The following ITPR2 variants were observed in gnomAD, a reference collection of about 807,000 sequenced individuals.
ITPR2 encodes inositol 1,4,5-trisphosphate receptor type 2, also known as inositol 1,4,5-trisphosphate-gated calcium channel ITPR2.
ITPR2 carries 207 observed loss-of-function variants against 317.1 expected under a neutral mutation model. The ratio of observed to expected loss-of-function variants is 0.65; its 90% CI spans 0.58 to 0.73. The LOEUF is 0.73. Among genes scored for constraint, ITPR2 ranks in the 30% least tolerant of loss-of-function variants. The probability of loss-of-function intolerance (pLI) is 0.00; values close to 1 mark genes in which losing one functional copy is unlikely to be tolerated. For synonymous variants in ITPR2, 1,156 were observed against 1,149.1 expected (o/e 1.01, Z -0.12); for missense variants, 2,613 against 3,284.0 (o/e 0.80, Z 4.99).
chr12:26,696,295 G>A (rs114831774), intron 9 of ITPR2, among the ~76,000 whole-genome samples: 35 of 152,256 alleles, frequency 2.3e-4, no homozygotes, highest in African/African-American at 7.7e-4. Flanking sequence ...GTCTCAAAGC[G>A]ATTCTTAGTT....
chr12:26,385,939 C>T (rs759521976), intron 55 of ITPR2, among the ~76,000 whole-genome samples: 12 of 152,210 alleles, frequency 7.9e-5, no homozygotes, highest in East Asian at 1.9e-4. Context: ...CTTCCTCTTA[C>T]TAAGCTCTAT....
chr12:26,818,531 G>A (rs980847957), intron 1 of ITPR2, among the ~76,000 whole-genome samples: 1 of 152,158 alleles, frequency 6.6e-6, no homozygotes, highest in Admixed American at 6.5e-5. Flanking sequence ...AGGAAGAAAG[G>A]TAAATAAAAG....
intron 37 of ITPR2, among the ~76,000 whole-genome samples, chr12:26,512,747 ACTT>A (rs1943385655): frequency 6.6e-6 from 1 of 151,818 alleles, no homozygotes; most frequent in Non-Finnish European, 1.5e-5. Context: ...GGCAAAATAA[ACTT>A]CTTACATTGA....
At chr12:26,700,853 A>G (rs1443166061) in intron 9 of ITPR2, among the ~76,000 whole-genome samples, 3 of 152,264 alleles carry the variant, frequency 2.0e-5, no homozygotes, top group South Asian at 2.1e-4. Context: ...GCAGAGACAG[A>G]ATCAGTAGAA....
chr12:26,802,299 T>TA (rs1038467654), intron 1 of ITPR2, among the ~76,000 whole-genome samples: 11 of 148,026 alleles, frequency 7.4e-5, no homozygotes, highest in Admixed American at 1.3e-4. Context: ...ACCCTGTCTC[T>TA]AAAAAAAAAA....
At chr12:26,528,320 A>G (rs1943860073) in intron 37 of ITPR2, among the ~76,000 whole-genome samples, 1 of 152,192 alleles carries the variant, frequency 6.6e-6, no homozygotes, top group Admixed American at 6.5e-5. Context: ...ACCACAAAGG[A>G]TGTTGGATTT....
At chr12:26,352,766 A>G (rs929631026) in intron 55 of ITPR2, among the ~76,000 whole-genome samples, 4 of 152,340 alleles carry the variant, frequency 2.6e-5, no homozygotes, top group South Asian at 2.1e-4. Flanking sequence ...AGACTGGATA[A>G]TTCAGCCCCT....
rs1343735855 is a variant in ITPR2 at position 26,628,084 on chromosome 12, C to A, written c.3013G>T (p.Asp1005Tyr). The change falls in exon 23 of 57, where the codon GAC becomes TAC. Residue 1005 changes from aspartate to tyrosine, a missense_variant. Physicochemically the swap from Asp to Tyr is radical, Grantham distance 160 (BLOSUM62 -3). Around this residue, in one of 9 missense-constraint regions of ITPR2, gnomAD observed 817 missense variants for 897.6 expected, o/e 0.91. Coordinates refer to ENST00000381340, the MANE Select transcript of ITPR2 (RefSeq NM_002223.4). ...IYKKEFGEDN[D>Y]NAETSASGSP... ...CCACTGGCAGATGTCTCCGCATTGT[C>A]ATTGTCCTCTCCAAACTCCTTCTTA... The A allele has an allele frequency of 6.2e-7, 1 of 1,613,450 alleles. No homozygotes were observed. Among genetic ancestry groups the A allele is most frequent in the Non-Finnish European group, 8.5e-7 (1 of 1,179,470 alleles).
In ITPR2 at chr12:26,658,657, G is replaced by A. The variant is rs78439126; in HGVS notation, c.1886+456C>T. 3.0e-3 allele frequency among the ~76,000 whole-genome samples: 450 copies of A among 152,318 alleles called. 2 individuals are homozygous for A. Among genetic ancestry groups the A allele is most frequent in the African/African-American group, 0.01 (431 of 41,576 alleles). On this transcript the variant is annotated intron_variant, in intron 16 of 56. Coordinates refer to ENST00000381340, the MANE Select transcript of ITPR2 (RefSeq NM_002223.4). ...CATTTCTTCAAGATAAGGCAGCATG[G>A]TACAACAGAAAAAGAGCTTGATGTG...
chr12:26,506,520 C>CAAAA, intron 37 of ITPR2, among the ~76,000 whole-genome samples: 1 of 87,532 alleles, frequency 1.1e-5, no homozygotes, highest in Non-Finnish European at 2.2e-5. Flanking sequence ...AATCCTGTCT[C>CAAAA]AAAAAAAAAA....
chr12:26,510,003 T>TGG (rs1275698246), intron 37 of ITPR2, among the ~76,000 whole-genome samples: 3 of 22,386 alleles, frequency 1.3e-4, no homozygotes, highest in East Asian at 1.8e-3. Context: ...TGTGTGTGTG[T>TGG]GGTGGGGGGT....
chr12:26,370,835 C>G (rs1448350278), intron 55 of ITPR2, among the ~76,000 whole-genome samples: 1 of 152,134 alleles, frequency 6.6e-6, no homozygotes, highest in African/African-American at 2.4e-5. Flanking sequence ...CCACCACCAC[C>G]GGCTAATTTT....
chr12:26,537,260 C>T (rs1168639815), intron 37 of ITPR2, among the ~76,000 whole-genome samples: 1 of 152,154 alleles, frequency 6.6e-6, no homozygotes. Context: ...AGAGAGTGGG[C>T]AGTGGGCCTA....
At chr12:26,684,516 A>G (rs1327060302) in intron 11 of ITPR2, among the ~76,000 whole-genome samples, 2 of 152,212 alleles carry the variant, frequency 1.3e-5, no homozygotes, top group Non-Finnish European at 2.9e-5. Context: ...AGAACTTGAC[A>G]CAGGACTTAA....
chr12:26,455,469 G>A (rs556431162), intron 45 of ITPR2, among the ~76,000 whole-genome samples: 1 of 152,186 alleles, frequency 6.6e-6, no homozygotes, highest in South Asian at 2.1e-4. Context: ...AGGAAATGAG[G>A]TGGCAAGGTG....
At chr12:26,401,215 C>G (rs867709911) in intron 52 of ITPR2, among the ~76,000 whole-genome samples, 4 of 151,440 alleles carry the variant, frequency 2.6e-5, no homozygotes, top group Non-Finnish European at 2.9e-5. Context: ...GGTAACAGAG[C>G]AAGACTCTGT....
intron 45 of ITPR2, among the ~76,000 whole-genome samples, chr12:26,464,261 A>C (rs1942113861): frequency 6.6e-6 from 1 of 152,212 alleles, no homozygotes; most frequent in African/African-American, 2.4e-5. Flanking sequence ...CATAATATAG[A>C]ATCAGTGGGA....
chr12:26,789,476 T>C (rs894550407), intron 2 of ITPR2, among the ~76,000 whole-genome samples: 3 of 152,232 alleles, frequency 2.0e-5, no homozygotes, highest in Admixed American at 6.5e-5. Flanking sequence ...TTATACATTG[T>C]TCAAAATAAA....
At chr12:26,584,339 T>C (rs1051629364) in intron 32 of ITPR2, among the ~76,000 whole-genome samples, 7 of 152,162 alleles carry the variant, frequency 4.6e-5, no homozygotes, top group African/African-American at 1.7e-4. Flanking sequence ...CATTAGGATA[T>C]ATGCTCCTGG....
Sources: allele counts gnomAD v4.1 joint callset (sites outside exome capture counted in the v4.1 genomes callset), GRCh38; gene constraint gnomAD v4.1.1; regional missense constraint gnomAD v4.1.1; transcripts MANE v1.5; gene names NCBI Gene and HGNC (gene_info 2026-07-23, HGNC 2026-07-21).